The following CFDP1 variants were observed in gnomAD, a reference collection of about 807,000 sequenced individuals.
CFDP1 encodes chromatin remodeling protein CFDP1.
Under a neutral mutation model 40.1 loss-of-function variants are expected in CFDP1, and 31 were observed. The ratio of observed to expected loss-of-function variants is 0.77; its 90% confidence interval spans 0.58 to 1.04. CFDP1 has a LOEUF of 1.04. Ranked by LOEUF, CFDP1 falls within the 50% of genes least tolerant of loss-of-function variation. The pLI, the probability that CFDP1 is intolerant of heterozygous loss-of-function variation, is 0.00. For missense variants in CFDP1, 423 were observed against 343.4 expected (o/e 1.23, Z -1.83); for synonymous variants, 167 against 120.0 (o/e 1.39, Z -2.56).
intron 5 of CFDP1, among the ~76,000 whole-genome samples, chr16:75,373,707 G>A (rs2078770791): frequency 6.6e-6 from 1 of 152,050 alleles, no homozygotes; most frequent in Non-Finnish European, 1.5e-5. Flanking sequence ...TGCCCTGGCT[G>A]GTCTGAAACT....
intron 5 of CFDP1, among the ~76,000 whole-genome samples, chr16:75,328,437 A>T (rs1484524001): frequency 6.7e-6 from 1 of 149,244 alleles, no homozygotes; most frequent in Non-Finnish European, 1.5e-5. Context: ...ATACAAAAAA[A>T]AAAGAAAAAA....
chr16:75,429,189 C>T (rs1313753156), intron 1 of CFDP1, among the ~76,000 whole-genome samples: 1 of 152,124 alleles, frequency 6.6e-6, no homozygotes, highest in Non-Finnish European at 1.5e-5. Flanking sequence ...AGATCTTATA[C>T]ATTGAGCAGA....
intron 5 of CFDP1, among the ~76,000 whole-genome samples, chr16:75,374,940 C>T (rs551259930): frequency 1.3e-5 from 2 of 152,102 alleles, no homozygotes; most frequent in Non-Finnish European, 2.9e-5. Context: ...GACTACTCTA[C>T]TGAACAGTGG....
intron 5 of CFDP1, among the ~76,000 whole-genome samples, chr16:75,316,767 C>G (rs183006297): frequency 2.0e-5 from 3 of 151,854 alleles, no homozygotes; most frequent in Admixed American, 6.6e-5. Context: ...GTCAGGAGTT[C>G]GAGACCAGCC....
chr16:75,399,188 A>G (rs143587967), intron 4 of CFDP1, among the ~76,000 whole-genome samples: 1 of 152,188 alleles, frequency 6.6e-6, no homozygotes, highest in African/African-American at 2.4e-5. Flanking sequence ...GAACCAAGAG[A>G]AATTATAATA....
chr16:75,335,554 A>ATT (rs71380718), intron 5 of CFDP1, among the ~76,000 whole-genome samples: 4,191 of 121,322 alleles, frequency 0.035, 241 homozygotes, highest in African/African-American at 0.11. Context: ...ACAAATCTCC[A>ATT]TTTTTTTTTT....
At chr16:75,302,309 GA>G (rs1160776133) in intron 6 of CFDP1, among the ~76,000 whole-genome samples, 3 of 152,058 alleles carry the variant, frequency 2.0e-5, no homozygotes, top group Non-Finnish European at 4.4e-5. Context: ...CACCCAAGCT[GA>G]AATGCACTGG....
chr16:75,418,306 CTTT>C (rs60458195), intron 1 of CFDP1, among the ~76,000 whole-genome samples: 48,330 of 106,574 alleles, frequency 0.45, 10,554 homozygotes, highest in Admixed American at 0.58. Context: ...AACTCTAACC[CTTT>C]TTTTTTTTTT....
chr16:75,424,484 G>C (rs923924976), intron 1 of CFDP1, among the ~76,000 whole-genome samples: 1 of 152,092 alleles, frequency 6.6e-6, no homozygotes, highest in Non-Finnish European at 1.5e-5. Flanking sequence ...TGCCAGACGC[G>C]GTGGCTCACG....
At chr16:75,374,851 T>C (rs929091179) in intron 5 of CFDP1, among the ~76,000 whole-genome samples, 7 of 152,204 alleles carry the variant, frequency 4.6e-5, no homozygotes, top group African/African-American at 1.7e-4. Context: ...CTTCAAAATT[T>C]AGTGTGTATT....
In CFDP1 at chr16:75,345,734, A is replaced by G. The variant is rs573694000; in HGVS notation, c.651-40552T>C. On this transcript the variant is annotated intron_variant, in intron 5 of 6. Coordinates refer to ENST00000283882, the MANE Select transcript of CFDP1 (RefSeq NM_006324.3). Reference sequence around the variant, plus strand: ...TGTTTTTTTCATGCCATGAGTTGTTAAACAAAAGATCATTTGTTTTCTTAC... The same window carrying G: ...TGTTTTTTTCATGCCATGAGTTGTTGAACAAAAGATCATTTGTTTTCTTAC... Among the ~76,000 whole-genome samples, 4 of 152,358 alleles carry G rather than the reference A, an allele frequency of 2.6e-5. No individual in the cohort carries two copies. The East Asian group carries it at 7.7e-4, about 29-fold the overall frequency.
chr16:75,402,322 G>A (rs900233736), intron 4 of CFDP1, among the ~76,000 whole-genome samples: 1 of 152,180 alleles, frequency 6.6e-6, no homozygotes, highest in Non-Finnish European at 1.5e-5. Context: ...AGAACTTCCT[G>A]AAAGTCTTTA....
chr16:75,425,833 C>G (rs1354770918), intron 1 of CFDP1, among the ~76,000 whole-genome samples: 1 of 149,962 alleles, frequency 6.7e-6, no homozygotes, highest in African/African-American at 2.5e-5. Context: ...GTCAGGAGTT[C>G]AAGACCAGCC....
In CFDP1 at chr16:75,382,716, C is replaced by T. The variant is rs115116499; in HGVS notation, c.650+12374G>A. ...CCAAGTTTTGCTTTGAAGCAAGTAA[C>T]GCTATACAAGAGACCAAGATCAAGA... On this transcript the variant is annotated intron_variant, in intron 5 of 6. Transcript: ENST00000283882. Among the ~76,000 whole-genome samples the T allele has an allele frequency of 2.6e-3, 393 of 152,284 alleles. 2 individuals carry two copies. Among genetic ancestry groups the T allele is most frequent in the African/African-American group, 9.0e-3 (373 of 41,560 alleles).
chr16:75,411,244 A>C (rs1268734809), intron 4 of CFDP1, among the ~76,000 whole-genome samples: 1 of 151,986 alleles, frequency 6.6e-6, no homozygotes, highest in African/African-American at 2.4e-5. Context: ...AAACAAAAAA[A>C]CTACAAAAGA....
chr16:75,317,879 G>C (rs944113336), intron 5 of CFDP1, among the ~76,000 whole-genome samples: 2 of 152,044 alleles, frequency 1.3e-5, no homozygotes, highest in East Asian at 1.9e-4. Flanking sequence ...GGGAGGCTGA[G>C]GTGGGTAGAT....
At chr16:75,401,969 GA>G (rs1441767602) in intron 4 of CFDP1, among the ~76,000 whole-genome samples, 1 of 152,166 alleles carries the variant, frequency 6.6e-6, no homozygotes, top group Admixed American at 6.5e-5. Flanking sequence ...AAGCAGCATG[GA>G]AAAAGTATAA....
intron 5 of CFDP1, among the ~76,000 whole-genome samples, chr16:75,341,325 T>C (rs1246193268): frequency 6.6e-6 from 1 of 152,246 alleles, no homozygotes; most frequent in Non-Finnish European, 1.5e-5. Context: ...TGGGACCTAC[T>C]ATTCCTAGTC....
intron 6 of CFDP1, among the ~76,000 whole-genome samples, chr16:75,294,878 G>GGGC (rs914080688): frequency 2.0e-5 from 3 of 152,182 alleles, no homozygotes; most frequent in Admixed American, 1.3e-4. Flanking sequence ...AAAGCAGCAA[G>GGGC]GGCTGAAGCA....
Sources: gnomAD v4.1 joint callset for allele counts (sites outside exome capture counted in the v4.1 genomes callset) on GRCh38, gnomAD v4.1.1 for gene constraint, MANE v1.5 for transcripts, NCBI Gene and HGNC (gene_info 2026-07-23, HGNC 2026-07-21) for gene names.